The following SATB1 variants were observed in gnomAD, a reference collection of about 807,000 sequenced individuals.
SATB1 encodes the protein SATB homeobox 1.
SATB1 carries 11 observed loss-of-function variants against 86.9 expected under a neutral mutation model. That is an observed-to-expected ratio of 0.13 (90% CI 0.08 to 0.21). The LOEUF (loss-of-function observed/expected upper bound fraction) is 0.21. Among genes scored for constraint, SATB1 ranks in the 10% least tolerant of loss-of-function variants. The probability of loss-of-function intolerance (pLI) is 1.00; values close to 1 mark genes in which losing one functional copy is unlikely to be tolerated. For missense variants in SATB1, 551 were observed against 937.6 expected (o/e 0.59, Z 5.39); for synonymous variants, 357 against 357.2 (o/e 1.00, Z 0.01).
At chr3:18,411,509 T>A (rs1697841226) in intron 5 of SATB1, among the ~76,000 whole-genome samples, 1 of 151,978 alleles carries the variant, frequency 6.6e-6, no homozygotes, top group South Asian at 2.1e-4. Flanking sequence ...CCAGGGAAAA[T>A]AAGCATCAAA....
intron 5 of SATB1, among the ~76,000 whole-genome samples, chr3:18,407,703 T>G (rs1163444598): frequency 6.6e-6 from 1 of 151,946 alleles, no homozygotes; most frequent in Admixed American, 6.6e-5. Flanking sequence ...AGGAGCTAAT[T>G]AAAGTGATGC....
chr3:18,417,757 C>CT (rs1698193940), intron 2 of SATB1: 1 of 675,462 alleles, frequency 1.5e-6, no homozygotes, highest in Non-Finnish European at 2.7e-6. Flanking sequence ...ACCTACCTAA[C>CT]TAAAAAGAGA....
chr3:18,407,847 T>A (rs1393491267), intron 5 of SATB1, among the ~76,000 whole-genome samples: 1 of 152,042 alleles, frequency 6.6e-6, no homozygotes, highest in African/African-American at 2.4e-5. Context: ...TATGTTATCA[T>A]AAGACAGGAG....
upstream of SATB1, among the ~76,000 whole-genome samples, chr3:18,439,637 G>T (rs1699184221): frequency 6.6e-6 from 1 of 152,084 alleles, no homozygotes; most frequent in Non-Finnish European, 1.5e-5. Flanking sequence ...TTATGTAACA[G>T]ATTTGATTTA....
chr3:18,400,104 C>G (rs951410571), intron 5 of SATB1, among the ~76,000 whole-genome samples: 10 of 151,898 alleles, frequency 6.6e-5, no homozygotes, highest in Non-Finnish European at 1.2e-4. Flanking sequence ...AGGAAAAAAA[C>G]ACGTAATGTT....
intron 6 of SATB1, among the ~76,000 whole-genome samples, chr3:18,396,912 T>C (rs1696990401): frequency 6.6e-6 from 1 of 152,166 alleles, no homozygotes; most frequent in Non-Finnish European, 1.5e-5. Context: ...AGGTCTTCAC[T>C]GAGTTGTTAA....
At chr3:18,387,314 T>C (rs560388054) in intron 7 of SATB1, among the ~76,000 whole-genome samples, 2 of 152,324 alleles carry the variant, frequency 1.3e-5, no homozygotes, top group Non-Finnish European at 2.9e-5. Context: ...TAGACAAGAT[T>C]TGAAATATAT....
At chr3:18,409,010 C>T (rs373339923) in intron 5 of SATB1, 10 of 152,024 alleles carry the variant, frequency 6.6e-5, no homozygotes, top group African/African-American at 2.4e-4. Context: ...AAAATACTCT[C>T]ATGATATGGT....
At position 18,386,315 on chromosome 3, in the gene SATB1, C is replaced by A. The variant is rs1696338210; in HGVS notation, c.1419+84G>T. The A allele has an allele frequency of 9.8e-7, 1 of 1,015,406 alleles. No individual in the cohort carries two copies. The highest frequency in any genetic ancestry group is 2.2e-5 in the Admixed American group (1 of 46,510). 62.9% of individuals were successfully genotyped at this position (1,015,406 alleles called of 1,614,324 possible). ...AAAACATATAAATCTATGTATCTAT[C>A]TATCTAATTTCTTATTGAGATTCTT... On this transcript the variant is annotated intron_variant, in intron 8 of 10. Transcript: ENST00000338745. The surrounding 1 kb of genome is among the most constrained non-coding windows in gnomAD (Gnocchi z 4.5).
At chr3:18,422,682 T>C (rs938550523) in intron 1 of SATB1, among the ~76,000 whole-genome samples, 1 of 152,238 alleles carries the variant, frequency 6.6e-6, no homozygotes, top group Non-Finnish European at 1.5e-5. Context: ...ACACAGAGCT[T>C]TTTCTGAAAT....
At chr3:18,432,637 T>C (rs906199590) in intron 2 of SATB1, among the ~76,000 whole-genome samples, 1 of 152,050 alleles carries the variant, frequency 6.6e-6, no homozygotes, top group Non-Finnish European at 1.5e-5. Flanking sequence ...GAAATTAAAT[T>C]CAAAACTAAA....
In SATB1 at chr3:18,352,060, T is replaced by C. The variant is rs1325618086; in HGVS notation, c.1711A>G (p.Ser571Gly). 1.2e-6 allele frequency: 2 copies of C among 1,614,092 alleles called. No individual in the cohort carries two copies. The highest frequency in any genetic ancestry group is 2.7e-5 in the African/African-American group (2 of 74,938). ...TCGCCATGGTGATGCACCGCGTTGC[T>C]CTCCTGTTCATAAATGGCATCACGT... Reference protein sequence around the residue: ...PERDAIYEQESNAVHHHGDRP... With the variant: ...PERDAIYEQEGNAVHHHGDRP... Residue 571 changes from serine to glycine, a missense_variant, in exon 10 of 11, where the codon AGC (serine) becomes GGC (glycine). Ser to Gly is a moderately conservative substitution (Grantham distance 56). Coordinates refer to ENST00000338745, the MANE Select transcript of SATB1 (RefSeq NM_002971.6). This position sits in a 1 kb window ranked among gnomAD's most constrained non-coding sequence, Gnocchi z 4.1.
rs185044559 is a variant in SATB1 at position 18,411,690 on chromosome 3, T to G, written c.639+3421A>C. Among the ~76,000 whole-genome samples, 11 of 151,852 alleles carry G rather than the reference T, an allele frequency of 7.2e-5. No homozygotes were observed. In the East Asian group the frequency reaches 1.8e-3, roughly 24 times the overall value. ...GCACCATCCAACTTATCTAACCACA[T>G]CCACCGAAAAAAACAAAAGTAACAA... On this transcript the variant is annotated intron_variant, in intron 5 of 10. Transcript: ENST00000338745.
chr3:18,432,803 CAA>C (rs5846986), intron 2 of SATB1, among the ~76,000 whole-genome samples: 5,006 of 137,614 alleles, frequency 0.036, 280 homozygotes, highest in African/African-American at 0.12. Context: ...TAAACATTTT[CAA>C]AAAAAAAAAA....
chr3:18,362,718 T>C (rs535997810), intron 9 of SATB1, among the ~76,000 whole-genome samples: 1 of 151,916 alleles, frequency 6.6e-6, no homozygotes, highest in African/African-American at 2.4e-5. Flanking sequence ...AATGAGTATG[T>C]GCTCTCATAT....
chr3:18,406,281 T>C (rs1452477319), intron 5 of SATB1, among the ~76,000 whole-genome samples: 2 of 152,018 alleles, frequency 1.3e-5, no homozygotes, highest in African/African-American at 4.8e-5. Context: ...ATGTAGACTT[T>C]AGAACACAAC....
chr3:18,386,766 G>A lies in SATB1; in HGVS notation c.1207-155C>T, dbSNP rs1191491283. ...TATTAGTTACAACTGAAGTGGTAGA[G>A]AAGAGAGCCTCAATTGTATTCTTAA... On this transcript the variant is annotated intron_variant, in intron 7 of 10. Coordinates refer to ENST00000338745, the MANE Select transcript of SATB1 (RefSeq NM_002971.6). The surrounding 1 kb of genome is among the most constrained non-coding windows in gnomAD (Gnocchi z 4.5). Among the ~76,000 whole-genome samples, 1 of 152,230 alleles carries A rather than the reference G, an allele frequency of 6.6e-6. No homozygotes were observed. The highest frequency in any genetic ancestry group is 2.4e-5 in the African/African-American group (1 of 41,458).
At chr3:18,389,750 GAATTA>G (rs758467865) in intron 7 of SATB1, among the ~76,000 whole-genome samples, 8 of 152,130 alleles carry the variant, frequency 5.3e-5, no homozygotes, top group Non-Finnish European at 8.8e-5. Flanking sequence ...TAAATTTGTT[GAATTA>G]AATTAAACAA....
chr3:18,374,485 TAA>T lies in SATB1; in HGVS notation c.1575+3683_1575+3684del, dbSNP rs540152290. Among the ~76,000 whole-genome samples, 131 of 152,314 alleles carry T rather than the reference TAA, an allele frequency of 8.6e-4. No homozygotes were observed. The South Asian group carries it at 0.025, about 29-fold the overall frequency. On this transcript the variant is annotated intron_variant, in intron 9 of 10. Coordinates refer to ENST00000338745, the MANE Select transcript of SATB1 (RefSeq NM_002971.6). ...GCTGCTTATTTGAATACCCAGAATATAAAGTGTATTCATTTGTAGCTACTCAC... is the reference window on the plus strand; with the variant it reads ...GCTGCTTATTTGAATACCCAGAATATAGTGTATTCATTTGTAGCTACTCAC...
Sources: allele counts gnomAD v4.1 joint callset (sites outside exome capture counted in the v4.1 genomes callset), GRCh38; gene constraint gnomAD v4.1.1; non-coding constraint Gnocchi (gnomAD v3.1); transcripts MANE v1.5; gene names NCBI Gene and HGNC (gene_info 2026-07-23, HGNC 2026-07-21).